GRIK2: variants seen among roughly 807,000 people sequenced by gnomAD.
GRIK2 encodes glutamate ionotropic receptor kainate type subunit 2, also known as glutamate receptor ionotropic, kainate 2.
GRIK2 carries 32 observed loss-of-function variants against 100.3 expected under a neutral mutation model. That is an observed-to-expected ratio of 0.32 (90% CI 0.24 to 0.43). The LOEUF is 0.43. GRIK2 is among the 20% of genes least tolerant of loss of function. GRIK2 has a pLI of 1.00. For synonymous variants in GRIK2, 417 were observed against 389.4 expected (o/e 1.07, Z -0.83); for missense variants, 843 against 1,114.9 (o/e 0.76, Z 3.47).
intron 2 of GRIK2, among the ~76,000 whole-genome samples, chr6:101,613,773 AAAAC>A (rs1779782872): frequency 6.6e-6 from 1 of 151,558 alleles, no homozygotes; most frequent in Admixed American, 6.6e-5. Context: ...AAAAAAAAAA[AAAAC>A]TAGAAAAACG....
intron 15 of GRIK2, among the ~76,000 whole-genome samples, chr6:102,050,431 A>G (rs928477097): frequency 6.6e-6 from 1 of 152,044 alleles, no homozygotes; most frequent in Admixed American, 6.6e-5. Flanking sequence ...AGGCGGGTGG[A>G]TCACGAGGTC....
At chr6:101,944,113 G>A (rs569914630) in intron 14 of GRIK2, among the ~76,000 whole-genome samples, 1 of 152,178 alleles carries the variant, frequency 6.6e-6, no homozygotes, top group South Asian at 2.1e-4. Flanking sequence ...TTTAAAGTGT[G>A]TGGCACCTAC....
intron 2 of GRIK2, among the ~76,000 whole-genome samples, chr6:101,570,480 C>G (rs1384463565): frequency 6.6e-6 from 1 of 152,064 alleles, no homozygotes; most frequent in Admixed American, 6.6e-5. Context: ...CCAGCCTCCC[C>G]CTTCTCCCCC....
At chr6:101,933,758 G>T (rs1790438359) in intron 14 of GRIK2, among the ~76,000 whole-genome samples, 1 of 151,852 alleles carries the variant, frequency 6.6e-6, no homozygotes, top group Non-Finnish European at 1.5e-5. Context: ...GTGATTATGT[G>T]CAAAATTTTA....
chr6:102,015,023 A>G lies in GRIK2; in HGVS notation c.2086-20318A>G, dbSNP rs561762924. ...AATTTTCTGACTCAATGATCTGTCTAATGCTATCAGTGAGGTGTTGAAGTT... is the reference window on the plus strand; with the variant it reads ...AATTTTCTGACTCAATGATCTGTCTGATGCTATCAGTGAGGTGTTGAAGTT... On this transcript the variant is annotated intron_variant, in intron 14 of 16. Transcript: ENST00000369134. Among the ~76,000 whole-genome samples the G allele has an allele frequency of 3.0e-4, 45 of 152,180 alleles. 1 individual carries two copies. Among genetic ancestry groups the G allele is most frequent in the Non-Finnish European group, 1.5e-5 (1 of 67,984 alleles).
At chr6:101,750,717 CAGAG>C (rs918740894) in intron 7 of GRIK2, among the ~76,000 whole-genome samples, 1 of 151,898 alleles carries the variant, frequency 6.6e-6, no homozygotes, top group Non-Finnish European at 1.5e-5. Context: ...GCTGAATGCT[CAGAG>C]AGAGAGAGAA....
chr6:101,402,038 C>G (rs1406742480), intron 2 of GRIK2, among the ~76,000 whole-genome samples: 3 of 152,174 alleles, frequency 2.0e-5, no homozygotes. Flanking sequence ...AGTTAAGGCT[C>G]TGTGTTATCC....
chr6:101,541,409 C>CAT lies in GRIK2; in HGVS notation c.116-80539_116-80538insTA, dbSNP rs1562212531. On this transcript the variant is annotated intron_variant, in intron 2 of 16. Transcript: ENST00000369134. The stretch of plus-strand genomic sequence containing the variant: ...ACACACACACACACACACACACACA[C>CAT]ACACACACATACACACACACTACAC... Among the ~76,000 whole-genome samples, 70 of 114,742 alleles carry CAT rather than the reference C, an allele frequency of 6.1e-4. 1 individual carries two copies. The highest frequency in any genetic ancestry group is 1.3e-3 in the Non-Finnish European group (63 of 49,726). The allele number at this position is 114,742 out of a possible 152,430, so 75.3% of individuals were successfully genotyped here. A position where few individuals can be genotyped will look rare whatever the true frequency, so the allele number is the denominator to read the frequency against.
intron 14 of GRIK2, among the ~76,000 whole-genome samples, chr6:101,973,078 G>C (rs1335103060): frequency 6.6e-6 from 1 of 151,736 alleles, no homozygotes; most frequent in Non-Finnish European, 1.5e-5. Context: ...CTAACTCTCT[G>C]CCCAGAGTTT....
At chr6:101,702,577 T>G (rs1772973539) in intron 7 of GRIK2, among the ~76,000 whole-genome samples, 1 of 151,942 alleles carries the variant, frequency 6.6e-6, no homozygotes, top group Admixed American at 6.6e-5. Flanking sequence ...TATTTAAAAT[T>G]TGCTATGTCT....
intron 2 of GRIK2, among the ~76,000 whole-genome samples, chr6:101,494,971 T>TTTTTTATATATATATA (rs1554209024): frequency 9.3e-6 from 1 of 107,984 alleles, no homozygotes; most frequent in African/African-American, 3.5e-5. Flanking sequence ...ATATATGCAT[T>TTTTTTATATATATATA]TATATATATA....
chr6:101,688,359 G>T (rs1251670587), intron 7 of GRIK2, among the ~76,000 whole-genome samples: 11 of 151,656 alleles, frequency 7.3e-5, no homozygotes, highest in Admixed American at 1.3e-4. Flanking sequence ...GGTACACTCT[G>T]TATAGCTATG....
At chr6:101,878,992 C>T (rs1213667773) in intron 11 of GRIK2, among the ~76,000 whole-genome samples, 3 of 152,022 alleles carry the variant, frequency 2.0e-5, no homozygotes, top group Non-Finnish European at 4.4e-5. Flanking sequence ...CAGCTGAAGG[C>T]TCTGTTCCAT....
At chr6:101,795,889 T>A (rs1350419015) in intron 7 of GRIK2, among the ~76,000 whole-genome samples, 2 of 152,234 alleles carry the variant, frequency 1.3e-5, no homozygotes, top group Non-Finnish European at 2.9e-5. Context: ...AACAATGTAT[T>A]TCTTTTTTAC....
At chr6:101,453,743 T>G (rs1770842074) in intron 2 of GRIK2, among the ~76,000 whole-genome samples, 1 of 152,054 alleles carries the variant, frequency 6.6e-6, no homozygotes. Flanking sequence ...TTATGAAGTA[T>G]GTAGACTATC....
At chr6:101,836,616 T>TG (rs1562426696) in intron 10 of GRIK2, among the ~76,000 whole-genome samples, 1 of 138,956 alleles carries the variant, frequency 7.2e-6, no homozygotes, top group African/African-American at 2.7e-5. Flanking sequence ...GCTATATATA[T>TG]AGTTATATAT....
At chr6:101,689,771 A>G (rs1024089213) in intron 7 of GRIK2, among the ~76,000 whole-genome samples, 3 of 151,992 alleles carry the variant, frequency 2.0e-5, no homozygotes, top group African/African-American at 7.2e-5. Context: ...ATTCCCACAC[A>G]ATGCCATCCA....
chr6:101,684,880 C>T (rs939182874), intron 6 of GRIK2, among the ~76,000 whole-genome samples: 3 of 152,106 alleles, frequency 2.0e-5, no homozygotes, highest in Non-Finnish European at 4.4e-5. Flanking sequence ...GGCTGGATCC[C>T]TCTGGAATGA....
intron 12 of GRIK2, among the ~76,000 whole-genome samples, chr6:101,915,873 CCT>C (rs1240810949): frequency 6.6e-6 from 1 of 151,220 alleles, no homozygotes; most frequent in Non-Finnish European, 1.5e-5. Flanking sequence ...ATTTTTTCCC[CCT>C]CTCTTCAAAT....
Sources: gnomAD v4.1 joint callset for allele counts (sites outside exome capture counted in the v4.1 genomes callset) on GRCh38, gnomAD v4.1.1 for gene constraint, MANE v1.5 for transcripts, NCBI Gene and HGNC (gene_info 2026-07-23, HGNC 2026-07-21) for gene names.